DNAAF4: variants seen among roughly 807,000 people sequenced by gnomAD.
DNAAF4 encodes the protein dynein assembly factor 4, axonemal.
Under a neutral mutation model 51.8 loss-of-function variants are expected in DNAAF4, and 43 were observed. The ratio of observed to expected loss-of-function variants is 0.83; its 90% confidence interval spans 0.65 to 1.07. The LOEUF (loss-of-function observed/expected upper bound fraction) is 1.07, where lower values mean the gene tolerates loss of function less well. Ranked by LOEUF, DNAAF4 falls within the 50% of genes least tolerant of loss-of-function variation. The pLI, the probability that DNAAF4 is intolerant of heterozygous loss-of-function variation, is 0.00. For missense variants in DNAAF4, 581 were observed against 493.0 expected, an observed-to-expected ratio of 1.18 and a Z score of -1.69; for synonymous variants, 194 against 165.6, an observed-to-expected ratio of 1.17 and a Z score of -1.32.
In DNAAF4 at chr15:55,418,929, TTTTTTTTTTGAG is replaced by T. The variant is rs201697682; in HGVS notation, c.1048-808_1048-797del. Among the ~76,000 whole-genome samples the T allele has an allele frequency of 0.012, 62 of 5,060 alleles. No individual in the cohort carries two copies. In the East Asian group the frequency reaches 0.47, roughly 38 times the overall value. The allele number at this position is 5,060 out of a possible 152,430, so 3.3% of individuals were successfully genotyped here. A position where few individuals can be genotyped will look rare whatever the true frequency, so the allele number is the denominator to read the frequency against. ...CTGACCAACAATTTCACACTTTTTTTTTTTTTTTTGAGTGAGTTGGAGTCTCGCTCTGTCGCC... is the reference window on the plus strand; with the variant it reads ...CTGACCAACAATTTCACACTTTTTTTTGAGTTGGAGTCTCGCTCTGTCGCC... On this transcript the variant is annotated intron_variant, in intron 7 of 7. Coordinates refer to the DNAAF4 transcript ENST00000448430.
At chr15:55,426,764 G>C (rs1566996439), downstream of DNAAF4, among the ~76,000 whole-genome samples, 1 of 152,176 alleles carries the variant, frequency 6.6e-6, no homozygotes, top group African/African-American at 2.4e-5. Flanking sequence ...TCATGAGAGA[G>C]AAGATAGCCA....
In DNAAF4 at chr15:55,434,138, C is replaced by T. The variant is rs1026787177; in HGVS notation, c.1047+767G>A. On this transcript the variant is annotated intron_variant, in intron 8 of 9. Transcript: ENST00000321149. ...AGTTGTTCCTATATGGGATTCATAC[C>T]CCTCCAAGGTTATTATTCAGCTTAT... Among the ~76,000 whole-genome samples the T allele has an allele frequency of 1.4e-5, 2 of 140,566 alleles. 1 individual carries two copies. Among genetic ancestry groups the T allele is most frequent in the Non-Finnish European group, 3.0e-5 (2 of 66,458 alleles). 92.2% of individuals were successfully genotyped at this position (140,566 alleles called of 152,430 possible). A position where few individuals can be genotyped will look rare whatever the true frequency, so the allele number is the denominator to read the frequency against.
chr15:55,428,475 CTTTTTTTTCTTTTTTTT>C (rs1296780436), downstream of DNAAF4, among the ~76,000 whole-genome samples: 1 of 92,326 alleles, frequency 1.1e-5, no homozygotes, highest in Non-Finnish European at 2.3e-5. Flanking sequence ...CTCTCACTGT[CTTTTTTTTCTTTTTTTT>C]TTTTTTTTTT....
chr15:55,487,694 C>T (rs868428029), intron 4 of DNAAF4, among the ~76,000 whole-genome samples: 1 of 152,070 alleles, frequency 6.6e-6, no homozygotes, highest in African/African-American at 2.4e-5. Flanking sequence ...CCATTAAGAG[C>T]TGTAACACAC....
chr15:55,498,292 G>C lies in DNAAF4; in HGVS notation c.38C>G (p.Thr13Arg), dbSNP rs1392684796. 2 of 1,613,216 alleles carry C rather than the reference G, an allele frequency of 1.2e-6. No individual in the cohort carries two copies. The highest frequency in any genetic ancestry group is 1.7e-6 in the Non-Finnish European group (2 of 1,179,580). Residue 13 changes from threonine to arginine, a missense_variant, in exon 2 of 10, where the codon ACG becomes AGG. Coordinates refer to ENST00000321149, the MANE Select transcript of DNAAF4 (RefSeq NM_130810.4). ...LQVSDYSWQQ[T>R]KTAVFLSLPL... ...CAGAGACAGAAAGACCGCAGTCTTC[G>C]TCTGCTGCCAGCTGTAATCGCTAAC...
chr15:55,490,151 G>A (rs2058551118), intron 4 of DNAAF4, among the ~76,000 whole-genome samples: 1 of 152,060 alleles, frequency 6.6e-6, no homozygotes, highest in African/African-American at 2.4e-5. Flanking sequence ...GGGATTACAG[G>A]CATGAGCCAC....
chr15:55,487,463 G>A (rs1408929867), intron 4 of DNAAF4, among the ~76,000 whole-genome samples: 1 of 152,072 alleles, frequency 6.6e-6, no homozygotes, highest in Non-Finnish European at 1.5e-5. Flanking sequence ...GGGAATAAAA[G>A]CTGGCCACCC....
intron 8 of DNAAF4, among the ~76,000 whole-genome samples, chr15:55,433,482 C>G (rs1206038366): frequency 6.6e-6 from 1 of 151,380 alleles, no homozygotes; most frequent in Non-Finnish European, 1.5e-5. Flanking sequence ...AAAAATTAGC[C>G]GGGTATGATG....
chr15:55,433,221 A>G (rs2057524485), intron 8 of DNAAF4, among the ~76,000 whole-genome samples: 1 of 152,114 alleles, frequency 6.6e-6, no homozygotes. Flanking sequence ...AATCACTTGA[A>G]TCCGGGAGGC....
At chr15:55,448,519 G>GGGGTGT (rs1555415711) in intron 6 of DNAAF4, among the ~76,000 whole-genome samples, 2 of 99,888 alleles carry the variant, frequency 2.0e-5, no homozygotes, top group South Asian at 3.8e-4. Context: ...AAAAAAAAAG[G>GGGGTGT]GTGTGTGTGT....
At chr15:55,465,050 G>A (rs954892884) in intron 5 of DNAAF4, among the ~76,000 whole-genome samples, 1 of 152,116 alleles carries the variant, frequency 6.6e-6, no homozygotes, top group Non-Finnish European at 1.5e-5. Flanking sequence ...ACCACAATGC[G>A]ATACCACCTT....
intron 5 of DNAAF4, among the ~76,000 whole-genome samples, chr15:55,452,955 A>T (rs572085704): frequency 1.3e-5 from 2 of 152,286 alleles, no homozygotes; most frequent in Non-Finnish European, 2.9e-5. Flanking sequence ...CCTCCTGAGT[A>T]GCTGGAATTA....
intron 3 of DNAAF4, among the ~76,000 whole-genome samples, chr15:55,491,713 TTATATAATAG>T (rs1206643357): frequency 7.1e-6 from 1 of 140,312 alleles, no homozygotes; most frequent in Non-Finnish European, 1.5e-5. Context: ...TATACTATTA[TTATATAATAG>T]TATATAATAT....
downstream of DNAAF4, among the ~76,000 whole-genome samples, chr15:55,428,415 A>C (rs2057451667): frequency 6.6e-6 from 1 of 151,960 alleles, no homozygotes; most frequent in Non-Finnish European, 1.5e-5. Flanking sequence ...AGGAATGAAC[A>C]AGGACAGCTT....
At chr15:55,465,840 A>G (rs1401376967) in intron 5 of DNAAF4, among the ~76,000 whole-genome samples, 1 of 152,170 alleles carries the variant, frequency 6.6e-6, no homozygotes, top group African/African-American at 2.4e-5. Flanking sequence ...TGTTAGGATT[A>G]CAGGCATGAG....
chr15:55,472,614 C>CA (rs1426242332), intron 4 of DNAAF4, among the ~76,000 whole-genome samples: 2 of 150,674 alleles, frequency 1.3e-5, no homozygotes, highest in African/African-American at 2.4e-5. Context: ...TGAGACTTCT[C>CA]AAAAAAAATA....
At chr15:55,437,626 A>C (rs2057636186) in intron 7 of DNAAF4, among the ~76,000 whole-genome samples, 1 of 152,164 alleles carries the variant, frequency 6.6e-6, no homozygotes, top group African/African-American at 2.4e-5. Flanking sequence ...AGTACCCTGG[A>C]TGATGTAGGT....
rs2057475744 is a variant in DNAAF4 at position 55,430,482 on chromosome 15, A to G, written c.*188T>C. On this transcript the variant is annotated 3_prime_UTR_variant, in exon 10 of 10. Transcript: ENST00000321149. The stretch of plus-strand genomic sequence containing the variant: ...AAGGAATTAAAATAGATTCTTATTT[A>G]GATTTACTTATTCAGAAATGATTCA... 1 of 1,120,682 alleles carries G rather than the reference A, an allele frequency of 8.9e-7. No individual in the cohort carries two copies. Among genetic ancestry groups the G allele is most frequent in the African/African-American group, 1.6e-5 (1 of 61,560 alleles). The allele number at this position is 1,120,682 out of a possible 1,614,324, so 69.4% of individuals were successfully genotyped here. A position where few individuals can be genotyped will look rare whatever the true frequency, so the allele number is the denominator to read the frequency against.
At chr15:55,451,157 C>A (rs2057926335) in intron 5 of DNAAF4, among the ~76,000 whole-genome samples, 1 of 152,020 alleles carries the variant, frequency 6.6e-6, no homozygotes, top group African/African-American at 2.4e-5. Flanking sequence ...AGGACTGGGG[C>A]AAGGGGGGAA....
Sources: allele counts gnomAD v4.1 joint callset (sites outside exome capture counted in the v4.1 genomes callset), GRCh38; gene constraint gnomAD v4.1.1; transcripts MANE v1.5; gene names NCBI Gene and HGNC (gene_info 2026-07-23, HGNC 2026-07-21).